The following IQSEC1 variants were observed in gnomAD, a reference collection of about 807,000 sequenced individuals.
IQSEC1 encodes IQ motif and SEC7 domain-containing protein 1.
In IQSEC1, 31 loss-of-function variants were observed where a neutral mutation model predicts 91.0. The observed-to-expected ratio is 0.34, with a 90% CI of 0.26 to 0.46. The LOEUF (loss-of-function observed/expected upper bound fraction) is 0.46. Among genes scored for constraint, IQSEC1 ranks in the 20% least tolerant of loss-of-function variants. The pLI is 1.00. For missense variants in IQSEC1, 1,388 were observed against 1,575.6 expected (o/e 0.88, Z 2.02); for synonymous variants, 699 against 662.6 (o/e 1.05, Z -0.84).
chr3:13,234,385 G>T (rs1032136561), intron 1 of IQSEC1, among the ~76,000 whole-genome samples: 12 of 151,802 alleles, frequency 7.9e-5, no homozygotes, highest in African/African-American at 2.9e-4. Flanking sequence ...ATGTGAGCCT[G>T]GGCAGCTGCT....
intron 1 of IQSEC1, among the ~76,000 whole-genome samples, chr3:13,056,774 T>C (rs1704896881): frequency 6.6e-6 from 1 of 152,122 alleles, no homozygotes; most frequent in Non-Finnish European, 1.5e-5. Context: ...TGGAAGTCCT[T>C]AGGATATTCA....
intron 6 of IQSEC1, among the ~76,000 whole-genome samples, chr3:12,917,730 A>C (rs1696239583): frequency 2.0e-5 from 3 of 152,196 alleles, no homozygotes; most frequent in African/African-American, 7.2e-5. Context: ...CTGTGGGCCT[A>C]AGTTTTCAGT....
intron 1 of IQSEC1, among the ~76,000 whole-genome samples, chr3:13,176,611 G>C (rs1027107800): frequency 2.0e-5 from 3 of 152,174 alleles, no homozygotes; most frequent in African/African-American, 7.2e-5. Flanking sequence ...CCTCTCAGCA[G>C]GGCACCATGA....
intron 10 of IQSEC1, among the ~76,000 whole-genome samples, chr3:12,911,374 C>T (rs1439690111): frequency 6.6e-6 from 1 of 152,210 alleles, no homozygotes; most frequent in Admixed American, 6.5e-5. Flanking sequence ...AATCTTATCA[C>T]CTGCAAGAAA....
At chr3:13,061,536 T>G (rs1705068248) in intron 1 of IQSEC1, among the ~76,000 whole-genome samples, 1 of 151,836 alleles carries the variant, frequency 6.6e-6, no homozygotes, top group Admixed American at 6.5e-5. Flanking sequence ...ACCTAGCACA[T>G]GCAGTCCCCA....
chr3:12,925,319 G>A (rs1697022228), intron 3 of IQSEC1, among the ~76,000 whole-genome samples: 1 of 152,158 alleles, frequency 6.6e-6, no homozygotes, highest in Non-Finnish European at 1.5e-5. Context: ...GCTCTGTGCC[G>A]CCGCTGTTGA....
At chr3:12,942,460 G>A (rs544439531) in intron 1 of IQSEC1, among the ~76,000 whole-genome samples, 20 of 152,138 alleles carry the variant, frequency 1.3e-4, no homozygotes, top group East Asian at 1.9e-4. Context: ...AAAATTAGCC[G>A]GGCGTGGTGG....
chr3:13,241,440 C>T (rs1385576958), intron 1 of IQSEC1, among the ~76,000 whole-genome samples: 4 of 152,268 alleles, frequency 2.6e-5, no homozygotes, highest in African/African-American at 9.6e-5. Flanking sequence ...CAGGTGTGTC[C>T]GCTGTGACGT....
intron 1 of IQSEC1, among the ~76,000 whole-genome samples, chr3:13,059,125 C>T (rs186147198): frequency 6.6e-6 from 1 of 152,218 alleles, no homozygotes; most frequent in East Asian, 1.9e-4. Context: ...GACCTCCTTC[C>T]ACCCCCGACC....
In IQSEC1 at chr3:12,936,627, GC is replaced by G; in HGVS notation, c.388del (p.Ala130ArgfsTer7). 6.2e-7 allele frequency: 1 copy of G among 1,611,696 alleles called. No individual in the cohort carries two copies. Among genetic ancestry groups the G allele is most frequent in the Non-Finnish European group, 8.5e-7 (1 of 1,179,440 alleles). On this transcript the variant is annotated frameshift_variant, in exon 3 of 14. Coordinates refer to ENST00000613206, the MANE Select transcript of IQSEC1 (RefSeq NM_001134382.3). LOFTEE classifies it high-confidence loss of function. ...CTTGTTCATCTGGTACTGGCGAAAC[GC>G]CGTCTGGATGGTGCGGGCCGCATGG... ...TRHAARTIQT[A>X]FRQYQMNKNF...
At chr3:13,241,275 G>C (rs1195534007) in intron 1 of IQSEC1, among the ~76,000 whole-genome samples, 1 of 152,214 alleles carries the variant, frequency 6.6e-6, no homozygotes, top group Non-Finnish European at 1.5e-5. Context: ...CCAGACACAA[G>C]CAGGCGAAAG....
At chr3:13,236,083 G>A (rs887607763) in intron 1 of IQSEC1, among the ~76,000 whole-genome samples, 11 of 151,042 alleles carry the variant, frequency 7.3e-5, no homozygotes, top group South Asian at 4.2e-4. Flanking sequence ...GGGCCCTGGC[G>A]CCGTGCCAGG....
chr3:12,963,369 G>A (rs926676918), intron 1 of IQSEC1, among the ~76,000 whole-genome samples: 1 of 152,222 alleles, frequency 6.6e-6, no homozygotes, highest in African/African-American at 2.4e-5. Flanking sequence ...AGAGCAGCTG[G>A]GACCCCAAGA....
intron 1 of IQSEC1, among the ~76,000 whole-genome samples, chr3:13,278,535 G>T (rs1022046251): frequency 2.6e-5 from 4 of 152,164 alleles, no homozygotes; most frequent in Non-Finnish European, 5.9e-5. Context: ...GAGCTGGGGG[G>T]AGGCTGGGTG....
At chr3:13,145,967 T>A (rs1289685489) in intron 2 of IQSEC1, among the ~76,000 whole-genome samples, 1 of 152,040 alleles carries the variant, frequency 6.6e-6, no homozygotes, top group Admixed American at 6.5e-5. Context: ...CTCAGGCGGG[T>A]GCAGACCCTG....
intron 1 of IQSEC1, among the ~76,000 whole-genome samples, chr3:13,191,209 G>A (rs947507751): frequency 6.6e-6 from 1 of 152,218 alleles, no homozygotes; most frequent in African/African-American, 2.4e-5. Context: ...TGTGCCTGGT[G>A]CTCCCTGGCA....
rs377521301 is a variant in IQSEC1, at chr3:13,013,971, T to C, written c.23+59021A>G. On this transcript the variant is annotated intron_variant, in intron 1 of 13. Transcript: ENST00000613206. ...GCAGGCAGCAGGGGCTCTGATCTGC[T>C]CTGTGCCTCTGCTGGGCTGGACCGA... is the stretch of plus-strand genomic sequence containing the variant. Among the ~76,000 whole-genome samples the C allele has an allele frequency of 2.4e-4, 36 of 152,286 alleles. No homozygotes were observed. In the South Asian group the frequency reaches 4.8e-3, roughly 20 times the overall value.
Position 13,236,079 on chromosome 3 carries a change from T to C in IQSEC1, c.272+46632A>G, listed in dbSNP as rs577684426. On this transcript the variant is annotated intron_variant, in intron 1 of 15. Transcript: ENST00000648114. ...AGATAGATGTATGAATGCCGGGCCC[T>C]GGCGCCGTGCCAGGCTCACCAACCT... is the stretch of plus-strand genomic sequence containing the variant. Among the ~76,000 whole-genome samples, 12 of 152,188 alleles carry C rather than the reference T, an allele frequency of 7.9e-5. No individual in the cohort carries two copies. The South Asian group carries it at 2.5e-3, about 32-fold the overall frequency.
intron 2 of IQSEC1, among the ~76,000 whole-genome samples, chr3:13,121,764 T>C (rs1293007055): frequency 6.6e-6 from 1 of 152,160 alleles, no homozygotes; most frequent in Non-Finnish European, 1.5e-5. Context: ...AGGCGCTCCA[T>C]GGTCGCTGGA....
Sources: allele counts gnomAD v4.1 joint callset (sites outside exome capture counted in the v4.1 genomes callset), GRCh38; gene constraint gnomAD v4.1.1; transcripts MANE v1.5; gene names NCBI Gene and HGNC (gene_info 2026-07-23, HGNC 2026-07-21).